Variants in ZBTB22 observed in about 807,000 individuals in gnomAD.
ZBTB22 encodes the protein zinc finger and BTB domain-containing protein 22.
For synonymous variants in ZBTB22, 356 were observed against 347.3 expected (o/e 1.03, Z -0.28); for missense variants, 668 against 834.1 (o/e 0.80, Z 2.45).
In ZBTB22 at chr6:33,315,261, C is replaced by T; in HGVS notation, c.1656G>A (p.Trp552Ter). The T allele has an allele frequency of 6.2e-7, 1 of 1,613,698 alleles. No homozygotes were observed. Among genetic ancestry groups the T allele is most frequent in the Non-Finnish European group, 8.5e-7 (1 of 1,179,924 alleles). The change falls in exon 2 of 2, where the codon TGG becomes TGA. Residue 552 changes from tryptophan (W) to a stop codon, truncating the protein, a stop_gained. Transcript: ENST00000431845. LOFTEE classifies it low-confidence loss of function (END_TRUNC). This position sits in a 1 kb window ranked among gnomAD's most constrained non-coding sequence, Gnocchi z 5.4. ...ECGVCAKKFMWRDSFMRHRGH... is the reference protein window; with the variant it reads ...ECGVCAKKFM The stretch of plus-strand genomic sequence containing the variant: ...CTCGGTGGCGCATGAAGCTGTCTCG[C>T]CACATGAACTTCTTGGCGCAGACTC...
In ZBTB22 at chr6:33,316,206, T is replaced by C. The variant is rs771058157; in HGVS notation, c.711A>G (p.Gly237=). The change falls in exon 2 of 2, where the codon GGA becomes GGG. Residue 237 remains glycine, a synonymous_variant. Coordinates refer to ENST00000431845, the MANE Select transcript of ZBTB22 (RefSeq NM_005453.5). The surrounding 1 kb of genome is among the most constrained non-coding windows in gnomAD (Gnocchi z 7.2). The part of the protein sequence containing the change: ...ASAVGSGERR[G]GGPVFPAPVV... ...CAGGGGCTGGGAATACAGGGCCACC[T>C]CCTCGACGCTCCCCACTGCCCACTG... The C allele has an allele frequency of 6.2e-7, 1 of 1,614,064 alleles. No homozygotes were observed. Among genetic ancestry groups the C allele is most frequent in the Non-Finnish European group, 8.5e-7 (1 of 1,180,020 alleles).
chr6:33,317,365 G>C (rs1321493669), intron 1 of ZBTB22, among the ~76,000 whole-genome samples: 3 of 151,982 alleles, frequency 2.0e-5, no homozygotes, highest in Non-Finnish European at 4.4e-5. Context: ...TTTTTGGGAG[G>C]GGGCAGGGCA....
In ZBTB22 at chr6:33,315,768, G is replaced by A; in HGVS notation, c.1149C>T (p.Asp383=). 6.2e-7 allele frequency: 1 copy of A among 1,613,328 alleles called. No individual in the cohort carries two copies. The highest frequency in any genetic ancestry group is 8.5e-7 in the Non-Finnish European group (1 of 1,179,566). The part of the protein sequence containing the change: ...EQVNFCESSN[D]FGPYEGGGPV... ...GACCCCCACCCTCATATGGGCCAAAGTCATTGGAGGACTCACAGAAGTTGA... is the reference window on the plus strand; with the variant it reads ...GACCCCCACCCTCATATGGGCCAAAATCATTGGAGGACTCACAGAAGTTGA... The change falls in exon 2 of 2, where the codon GAC becomes GAT. Residue 383 remains aspartate, a synonymous_variant. Coordinates refer to ENST00000431845, the MANE Select transcript of ZBTB22 (RefSeq NM_005453.5). The surrounding 1 kb of genome is among the most constrained non-coding windows in gnomAD (Gnocchi z 5.4).
rs1170337529 is a variant in ZBTB22, at chr6:33,316,874, G to C, written c.43C>G (p.Leu15Val). 1 of 1,612,346 alleles carries C rather than the reference G, an allele frequency of 6.2e-7. No homozygotes were observed. The highest frequency in any genetic ancestry group is 8.5e-7 in the Non-Finnish European group (1 of 1,179,368). Residue 15 changes from leucine to valine, a missense_variant, in exon 2 of 2, where the codon CTG (leucine) becomes GTG (valine). Transcript: ENST00000431845. The surrounding 1 kb of genome is among the most constrained non-coding windows in gnomAD (Gnocchi z 7.2). ...PLSPSGAALP[L>V]PLSLAPPPLP... ...GGGGGCGGAGCCAGCGACAGCGGCA[G>C]GGGAAGTGCTGCCCCACTGGGAGAC...
chr6:33,315,510 G>T lies in ZBTB22; in HGVS notation c.1407C>A (p.Ser469Arg), dbSNP rs1254514917. The T allele has an allele frequency of 3.7e-6, 6 of 1,613,910 alleles. No individual in the cohort carries two copies. Among genetic ancestry groups the T allele is most frequent in the Non-Finnish European group, 5.1e-6 (6 of 1,179,958 alleles). The change falls in exon 2 of 2, where the codon AGC (serine) becomes AGA (arginine). Residue 469 changes from serine (S) to arginine (R), a missense_variant. Transcript: ENST00000431845. The surrounding 1 kb of genome is among the most constrained non-coding windows in gnomAD (Gnocchi z 5.4). ...CAGTCCCTCCAGGGACCCCACCAACGCTACCCGGCACACCCAGGCTCCCCA... is the reference window on the plus strand; with the variant it reads ...CAGTCCCTCCAGGGACCCCACCAACTCTACCCGGCACACCCAGGCTCCCCA... ...TSVGSLGVPGSVGGVPGGTGS... is the reference protein window; with the variant it reads ...TSVGSLGVPGRVGGVPGGTGS...
Position 33,316,052 on chromosome 6 carries a change from G to A in ZBTB22, c.865C>T (p.Pro289Ser). 1.2e-6 allele frequency: 2 copies of A among 1,613,828 alleles called. No individual in the cohort carries two copies. The highest frequency in any genetic ancestry group is 8.5e-7 in the Non-Finnish European group (1 of 1,179,956). The change falls in exon 2 of 2, where the codon CCT (proline) becomes TCT (serine). Residue 289 changes from proline (P) to serine (S), a missense_variant. Pro to Ser is a moderately conservative substitution (Grantham distance 74). Transcript: ENST00000431845. The surrounding 1 kb of genome is among the most constrained non-coding windows in gnomAD (Gnocchi z 7.2). ...AGLRRPTYTP[P>S]SIMPQKHWVY... ...CAGTGTTTCTGTGGCATGATGCTAG[G>A]GGGTGTGTAGGTGGGTCTCCGGAGC...
Position 33,315,109 on chromosome 6 carries a change from G to C in ZBTB22, c.1808C>G (p.Ala603Gly). ...PGVGGGSGDE[A>G]SAATPPSSRR... ...GCTGGACGGGGGCGTGGCCGCACTC[G>C]CTTCGTCGCCGCTGCCCCCGCCCAC... Residue 603 changes from alanine (A) to glycine (G), a missense_variant, in exon 2 of 2, where the codon GCG becomes GGG. By Grantham distance (60) the Ala-to-Gly change is moderately conservative. Coordinates refer to ENST00000431845, the MANE Select transcript of ZBTB22 (RefSeq NM_005453.5). This position sits in a 1 kb window ranked among gnomAD's most constrained non-coding sequence, Gnocchi z 5.4. 2 of 1,611,846 alleles carry C rather than the reference G, an allele frequency of 1.2e-6. No homozygotes were observed. The highest frequency in any genetic ancestry group is 1.7e-5 in the Admixed American group (1 of 59,892).
rs1351540258 is a variant in ZBTB22, at chr6:33,315,477, C to T, written c.1440G>A (p.Gly480=). 1 of 1,614,012 alleles carries T rather than the reference C, an allele frequency of 6.2e-7. No homozygotes were observed. The highest frequency in any genetic ancestry group is 1.3e-5 in the African/African-American group (1 of 74,896). Residue 480 remains glycine (G), a synonymous_variant, in exon 2 of 2, where the codon GGG becomes GGA. Coordinates refer to ENST00000431845, the MANE Select transcript of ZBTB22 (RefSeq NM_005453.5). The surrounding 1 kb of genome is among the most constrained non-coding windows in gnomAD (Gnocchi z 5.4). ...GGCACAGAAAGATCTTATTCCCGTC[C>T]CCACTGCCAGTCCCTCCAGGGACCC... ...VGGVPGGTGS[G]DGNKIFLCHC...
chr6:33,315,542 TG>T lies in ZBTB22; in HGVS notation c.1374del (p.Thr459ArgfsTer46). 1 of 1,613,984 alleles carries T rather than the reference TG, an allele frequency of 6.2e-7. No homozygotes were observed. On this transcript the variant is annotated frameshift_variant, in exon 2 of 2. Coordinates refer to ENST00000431845, the MANE Select transcript of ZBTB22 (RefSeq NM_005453.5). LOFTEE classifies it low-confidence loss of function (END_TRUNC). The surrounding 1 kb of genome is among the most constrained non-coding windows in gnomAD (Gnocchi z 5.4). ...QAEHGAVTVG[G>X]TSVGSLGVPG... ...GGCACACCCAGGCTCCCCACCGACG[TG>T]CCCCCCACGGTCACTGCCCCGTGTT...
At position 33,317,002 on chromosome 6, in the gene ZBTB22, A is replaced by G; in HGVS notation, c.-69-17T>C. 1 of 1,431,768 alleles carries G rather than the reference A, an allele frequency of 7.0e-7. No individual in the cohort carries two copies. The highest frequency in any genetic ancestry group is 9.3e-7 in the Non-Finnish European group (1 of 1,079,390). The allele number at this position is 1,431,768 out of a possible 1,614,324, so 88.7% of individuals were successfully genotyped here. On this transcript the variant is annotated splice_polypyrimidine_tract_variant and intron_variant, in intron 1 of 1. Coordinates refer to ENST00000431845, the MANE Select transcript of ZBTB22 (RefSeq NM_005453.5). ...GGGGGGTCTCTGGGAAGAAAAAGAG[A>G]AAAGAATAATGATAACATCTCATAA...
chr6:33,317,931 A>T (rs911717959), upstream of ZBTB22: 1 of 152,056 alleles, frequency 6.6e-6, no homozygotes, highest in Non-Finnish European at 1.5e-5. Context: ...GGTTCGGCCG[A>T]AGCATTTATT....
rs773603836 is a variant in ZBTB22, at chr6:33,316,271, C to T, written c.646G>A (p.Asp216Asn). 6.8e-6 allele frequency: 11 copies of T among 1,614,166 alleles called. No homozygotes were observed. In the South Asian group the frequency reaches 1.1e-4, roughly 16 times the overall value. Reference sequence around the variant, plus strand: ...GCCTCTTGGGAGGAAGATGAGAAATCAGTGGACTCCCTGGGGCTGAAGTAG... The same window carrying T: ...GCCTCTTGGGAGGAAGATGAGAAATTAGTGGACTCCCTGGGGCTGAAGTAG... ...SNYFSPREST[D>N]FSSSSQEAFA... Residue 216 changes from aspartate to asparagine, a missense_variant, in exon 2 of 2, where the codon GAT (aspartate) becomes AAT (asparagine). Coordinates refer to ENST00000431845, the MANE Select transcript of ZBTB22 (RefSeq NM_005453.5). This position sits in a 1 kb window ranked among gnomAD's most constrained non-coding sequence, Gnocchi z 7.2.
rs1477020766 is a variant in ZBTB22 at position 33,315,201 on chromosome 6, G to C, written c.1716C>G (p.Val572=). The C allele has an allele frequency of 6.2e-7, 1 of 1,612,532 alleles. No homozygotes were observed. The highest frequency in any genetic ancestry group is 1.7e-5 in the Admixed American group (1 of 59,960). The change falls in exon 2 of 2, where the codon GTC becomes GTG. Residue 572 remains valine (V), a synonymous_variant. Coordinates refer to ENST00000431845, the MANE Select transcript of ZBTB22 (RefSeq NM_005453.5). This position sits in a 1 kb window ranked among gnomAD's most constrained non-coding sequence, Gnocchi z 5.4. ...HCERRHRLGG[V]GAVPGPGTPT... ...GAGTCCCAGGCCCAGGTACGGCCCC[G>C]ACCCCGCCCAGGCGGTGCCGGCGCT...
intron 1 of ZBTB22, among the ~76,000 whole-genome samples, chr6:33,317,335 T>G (rs890489085): frequency 6.6e-6 from 1 of 152,110 alleles, no homozygotes; most frequent in Non-Finnish European, 1.5e-5. Flanking sequence ...AAATCTACCT[T>G]TTTGGTGTTT....
In ZBTB22 at chr6:33,314,868, T is replaced by G; in HGVS notation, c.*144A>C. The stretch of plus-strand genomic sequence containing the variant: ...TGGGCGGGCGATGGTGAAACTGTGG[T>G]TCCCCTTCCAGAATATATACAAGTC... On this transcript the variant is annotated 3_prime_UTR_variant, in exon 2 of 2. Coordinates refer to ENST00000431845, the MANE Select transcript of ZBTB22 (RefSeq NM_005453.5). 2 of 1,393,016 alleles carry G rather than the reference T, an allele frequency of 1.4e-6. No individual in the cohort carries two copies. Among genetic ancestry groups the G allele is most frequent in the South Asian group, 3.5e-5 (2 of 56,532 alleles). The allele number at this position is 1,393,016 out of a possible 1,614,324, so 86.3% of individuals were successfully genotyped here. A position where few individuals can be genotyped will look rare whatever the true frequency, so the allele number is the denominator to read the frequency against.
At position 33,314,987 on chromosome 6, in the gene ZBTB22, T is replaced by A; in HGVS notation, c.*25A>T. The A allele has an allele frequency of 2.0e-6, 3 of 1,521,408 alleles. No homozygotes were observed. Among genetic ancestry groups the A allele is most frequent in the Non-Finnish European group, 2.6e-6 (3 of 1,134,570 alleles). 94.2% of individuals were successfully genotyped at this position (1,521,408 alleles called of 1,614,324 possible). The stretch of plus-strand genomic sequence containing the variant: ...GCTCCTTATTCCCTTTCCCGAAAGC[T>A]ACCCCACCCCAGTAGCCTGCCCCTT... On this transcript the variant is annotated 3_prime_UTR_variant, in exon 2 of 2. Transcript: ENST00000431845.
In ZBTB22 at chr6:33,314,957, A is replaced by T. The variant is rs1769721544; in HGVS notation, c.*55T>A. ...CACCCGGGGGCCACAGCGCCCTTGC[A>T]TCGTGCTCCTTATTCCCTTTCCCGA... On this transcript the variant is annotated 3_prime_UTR_variant, in exon 2 of 2. Transcript: ENST00000431845. 2 of 1,514,252 alleles carry T rather than the reference A, an allele frequency of 1.3e-6. No individual in the cohort carries two copies. The highest frequency in any genetic ancestry group is 8.8e-7 in the Non-Finnish European group (1 of 1,131,114). The allele number at this position is 1,514,252 out of a possible 1,614,324, so 93.8% of individuals were successfully genotyped here. A position where few individuals can be genotyped will look rare whatever the true frequency, so the allele number is the denominator to read the frequency against.
At chr6:33,317,503 G>C (rs1262798640) in intron 1 of ZBTB22, 150 bp downstream of exon 1, 2 of 4,722 alleles carry the variant, frequency 4.2e-4, no homozygotes, top group African/African-American at 1.4e-3. Flanking sequence ...CCACCCCCCC[G>C]TGCCCCGCCC....
Position 33,315,900 on chromosome 6 carries a change from T to TTCA in ZBTB22, c.1016_1017insTGA (p.Glu338_Glu339insAsp). On this transcript the variant is annotated inframe_insertion, in exon 2 of 2. Transcript: ENST00000431845. The surrounding 1 kb of genome is among the most constrained non-coding windows in gnomAD (Gnocchi z 5.4). ...CTGGAACCCTGGAGCTACCCCCTAG[T>TTCA]TCTTCATCTTCATCATCCTCACAGG... 6.2e-7 allele frequency: 1 copy of TTCA among 1,613,826 alleles called. No homozygotes were observed. The highest frequency in any genetic ancestry group is 8.5e-7 in the Non-Finnish European group (1 of 1,179,932).
Sources: allele counts gnomAD v4.1 joint callset (sites outside exome capture counted in the v4.1 genomes callset), GRCh38; gene constraint gnomAD v4.1.1; non-coding constraint Gnocchi (gnomAD v3.1); transcripts MANE v1.5; gene names NCBI Gene and HGNC (gene_info 2026-07-23, HGNC 2026-07-21).